CDKAL1: variants seen among roughly 807,000 people sequenced by gnomAD.
The protein encoded by CDKAL1 is threonylcarbamoyladenosine tRNA methylthiotransferase.
In CDKAL1, 32 loss-of-function variants were observed where a neutral mutation model predicts 68.2. The observed-to-expected ratio is 0.47, with a 90% CI of 0.35 to 0.63. CDKAL1 has a LOEUF of 0.63. Among genes scored for constraint, CDKAL1 ranks in the 30% least tolerant of loss-of-function variants. The pLI, the probability that CDKAL1 is intolerant of heterozygous loss-of-function variation, is 0.00. For synonymous variants in CDKAL1, 234 were observed against 244.3 expected, an observed-to-expected ratio of 0.96 and a Z score of 0.39; for missense variants, 606 against 696.7, an observed-to-expected ratio of 0.87 and a Z score of 1.47.
intron 7 of CDKAL1, among the ~76,000 whole-genome samples, chr6:20,780,910 G>A (rs1775398446): frequency 6.6e-6 from 1 of 152,032 alleles, no homozygotes; most frequent in African/African-American, 2.4e-5. Flanking sequence ...CTGACCTCAG[G>A]TGATCCACCC....
intron 9 of CDKAL1, among the ~76,000 whole-genome samples, chr6:20,874,390 G>A (rs981280882): frequency 1.9e-4 from 29 of 151,892 alleles, no homozygotes; most frequent in African/African-American, 6.5e-4. Flanking sequence ...TGCAACTTCC[G>A]CCTCCTGGGT....
chr6:20,867,641 C>A (rs1384418968), intron 9 of CDKAL1, among the ~76,000 whole-genome samples: 1 of 152,128 alleles, frequency 6.6e-6, no homozygotes, highest in Non-Finnish European at 1.5e-5. Flanking sequence ...TCATTCTTAG[C>A]CCCTTCTGAC....
intron 13 of CDKAL1, among the ~76,000 whole-genome samples, chr6:21,153,227 T>C (rs1776495440): frequency 6.8e-6 from 1 of 147,096 alleles, no homozygotes; most frequent in East Asian, 1.9e-4. Context: ...GGTAGAGGTA[T>C]GTGATTTCTT....
intron 13 of CDKAL1, among the ~76,000 whole-genome samples, chr6:21,188,595 A>G (rs577983680): frequency 1.1e-4 from 17 of 152,312 alleles, no homozygotes; most frequent in African/African-American, 4.1e-4. Context: ...GGCCCTTTCC[A>G]TGAATCAGAT....
intron 6 of CDKAL1, among the ~76,000 whole-genome samples, chr6:20,741,975 A>AT (rs1415149014): frequency 6.6e-6 from 1 of 151,936 alleles, no homozygotes; most frequent in Non-Finnish European, 1.5e-5. Context: ...AGCATCTGTT[A>AT]TTTTTTGACA....
At chr6:21,009,963 G>A (rs1362322725) in intron 11 of CDKAL1, among the ~76,000 whole-genome samples, 2 of 152,140 alleles carry the variant, frequency 1.3e-5, no homozygotes, top group Non-Finnish European at 2.9e-5. Context: ...ACAATTTATT[G>A]TATATTTCCA....
At chr6:20,682,567 T>G (rs73377319) in intron 5 of CDKAL1, among the ~76,000 whole-genome samples, 22,650 of 108,820 alleles carry the variant, frequency 0.21, 3,834 homozygotes, top group African/African-American at 0.5. Context: ...GATCTCGTGA[T>G]AACTCTATCA....
chr6:20,888,544 C>T (rs1283352616), intron 9 of CDKAL1, among the ~76,000 whole-genome samples: 15 of 110,444 alleles, frequency 1.4e-4, no homozygotes, highest in Admixed American at 3.8e-4. Flanking sequence ...CAACAGTCCC[C>T]GGTGTGTGTT....
chr6:20,946,048 T>C (rs935180303), intron 9 of CDKAL1, among the ~76,000 whole-genome samples: 3 of 152,240 alleles, frequency 2.0e-5, no homozygotes, highest in African/African-American at 4.8e-5. Context: ...AGTGAAGTTA[T>C]TGAGAGCTTT....
At chr6:21,019,533 A>G (rs1768519930) in intron 11 of CDKAL1, among the ~76,000 whole-genome samples, 2 of 152,180 alleles carry the variant, frequency 1.3e-5, no homozygotes, top group Non-Finnish European at 2.9e-5. Context: ...ACTTGAGGCT[A>G]TATAACACAA....
At chr6:20,596,261 C>T (rs1765818435) in intron 4 of CDKAL1, among the ~76,000 whole-genome samples, 1 of 152,218 alleles carries the variant, frequency 6.6e-6, no homozygotes, top group South Asian at 2.1e-4. Flanking sequence ...GCTGTGCCCA[C>T]AGCTGCCCCT....
intron 9 of CDKAL1, among the ~76,000 whole-genome samples, chr6:20,855,588 A>G (rs1007517883): frequency 1.3e-5 from 2 of 151,680 alleles, no homozygotes; most frequent in African/African-American, 2.4e-5. Flanking sequence ...TTCCACAGCC[A>G]TTGGGGGCTG....
chr6:21,090,961 T>C (rs1057424645), intron 12 of CDKAL1, among the ~76,000 whole-genome samples: 4 of 151,978 alleles, frequency 2.6e-5, no homozygotes. Context: ...AGCACCACAA[T>C]GCCTAGCTAA....
intron 13 of CDKAL1, among the ~76,000 whole-genome samples, chr6:21,179,271 A>G (rs753329074): frequency 2.6e-5 from 4 of 152,226 alleles, no homozygotes; most frequent in Non-Finnish European, 4.4e-5. Context: ...AAATAGGCAT[A>G]TAAAACAAAT....
Position 20,839,418 on chromosome 6 carries a change from T to C in CDKAL1, c.639-6657T>C, listed in dbSNP as rs150147253. Among the ~76,000 whole-genome samples the C allele has an allele frequency of 2.4e-3, 364 of 152,320 alleles. 2 individuals are homozygous for C. Among genetic ancestry groups the C allele is most frequent in the African/African-American group, 8.2e-3 (339 of 41,578 alleles). On this transcript the variant is annotated intron_variant, in intron 8 of 15. Transcript: ENST00000274695. ...CTATCTTGGCAAAATAACAAATCGG[T>C]AGCCTATTTGATGTCCAGTTATGTG...
chr6:20,796,285 A>T (rs1198064296), intron 8 of CDKAL1, among the ~76,000 whole-genome samples: 1 of 152,246 alleles, frequency 6.6e-6, no homozygotes, highest in African/African-American at 2.4e-5. Context: ...CTTAGATAAA[A>T]ATCTGACAAA....
chr6:20,558,115 T>A (rs182015065), intron 4 of CDKAL1, among the ~76,000 whole-genome samples: 25 of 152,344 alleles, frequency 1.6e-4, no homozygotes, highest in Non-Finnish European at 5.9e-5. Flanking sequence ...GTTGAGAGAA[T>A]TTTATTCAAA....
At chr6:20,909,109 G>A (rs915994553) in intron 9 of CDKAL1, among the ~76,000 whole-genome samples, 1 of 151,950 alleles carries the variant, frequency 6.6e-6, no homozygotes, top group Admixed American at 6.5e-5. Flanking sequence ...AAAATCATCT[G>A]TGATACAATG....
At chr6:20,914,910 C>G (rs1762652395) in intron 9 of CDKAL1, among the ~76,000 whole-genome samples, 1 of 151,994 alleles carries the variant, frequency 6.6e-6, no homozygotes, top group South Asian at 2.1e-4. Flanking sequence ...ACGTAATATG[C>G]CTGAACATAT....
Sources: allele counts gnomAD v4.1 joint callset (sites outside exome capture counted in the v4.1 genomes callset), GRCh38; gene constraint gnomAD v4.1.1; transcripts MANE v1.5; gene names NCBI Gene and HGNC (gene_info 2026-07-23, HGNC 2026-07-21).